SMG6: variants seen among roughly 807,000 people sequenced by gnomAD.
SMG6 encodes telomerase-binding protein EST1A.
A neutral mutation model predicts 142.2 loss-of-function variants in SMG6; 66 were observed. The observed-to-expected ratio is 0.46, with a 90% CI of 0.38 to 0.57. The LOEUF is 0.57. Ranked by LOEUF, SMG6 falls within the 20% of genes least tolerant of loss-of-function variation. SMG6 has a pLI of 0.00. For missense variants in SMG6, 1,793 were observed against 1,832.0 expected, an observed-to-expected ratio of 0.98 and a Z score of 0.39; for synonymous variants, 779 against 702.4, an observed-to-expected ratio of 1.11 and a Z score of -1.72.
At chr17:2,298,166 T>A (rs1013919585) in intron 2 of SMG6, 111 bp from the exon 3 acceptor site, 9 of 955,440 alleles carry the variant, frequency 9.4e-6, no homozygotes, top group Non-Finnish European at 1.2e-5. Flanking sequence ...AAATAAAAAA[T>A]GTGACCAGGT....
At position 2,237,887 on chromosome 17, in the gene SMG6, A is replaced by G. The variant is rs77852178; in HGVS notation, c.2724-1250T>C. 9.2e-5 allele frequency among the ~76,000 whole-genome samples: 14 copies of G among 152,338 alleles called. No homozygotes were observed. The East Asian group carries it at 2.3e-3, about 25-fold the overall frequency. On this transcript the variant is annotated intron_variant, in intron 9 of 18. Transcript: ENST00000263073. ...TTATGCCAAACAATTCGTGGTCACCAAAGTATTTTTTACCATGTCCCCCAG... is the reference window on the plus strand; with the variant it reads ...TTATGCCAAACAATTCGTGGTCACCGAAGTATTTTTTACCATGTCCCCCAG...
At chr17:2,099,700 T>G (rs917711897) in intron 13 of SMG6, among the ~76,000 whole-genome samples, 3 of 152,168 alleles carry the variant, frequency 2.0e-5, no homozygotes, top group Non-Finnish European at 2.9e-5. Context: ...AACTAGCCTA[T>G]CCATAGCTCG....
intron 13 of SMG6, chr17:2,127,702 C>T (rs1000804243): frequency 1.4e-5 from 8 of 566,164 alleles, no homozygotes; most frequent in Admixed American, 1.1e-4. Flanking sequence ...AGTATCTGTT[C>T]GGACTTTAAT....
intron 6 of SMG6, among the ~76,000 whole-genome samples, chr17:2,285,358 G>C (rs910209094): frequency 6.6e-6 from 1 of 152,122 alleles, no homozygotes; most frequent in Non-Finnish European, 1.5e-5. Flanking sequence ...AAAAAAGAGG[G>C]ATAGAGGAAA....
intron 13 of SMG6, among the ~76,000 whole-genome samples, chr17:2,131,479 T>C (rs1222153387): frequency 6.6e-6 from 1 of 152,116 alleles, no homozygotes; most frequent in Admixed American, 6.6e-5. Context: ...TTTGTATTTT[T>C]AGTAGAGACT....
intron 8 of SMG6, among the ~76,000 whole-genome samples, chr17:2,255,058 G>GT (rs2074134114): frequency 6.6e-6 from 1 of 152,138 alleles, no homozygotes; most frequent in Admixed American, 6.6e-5. Context: ...GATTGATTCT[G>GT]TAAGAAAGTC....
At chr17:2,087,958 T>C (rs1035971003) in intron 13 of SMG6, 7 of 985,676 alleles carry the variant, frequency 7.1e-6, no homozygotes, top group Admixed American at 6.2e-5. Flanking sequence ...GCTTGCACTA[T>C]GGAGAATTAT....
At chr17:2,200,754 G>A (rs192012675) in intron 10 of SMG6, among the ~76,000 whole-genome samples, 1 of 152,140 alleles carries the variant, frequency 6.6e-6, no homozygotes, top group East Asian at 1.9e-4. Context: ...CTGTTGCCCA[G>A]GGTGGAGTGC....
intron 13 of SMG6, among the ~76,000 whole-genome samples, chr17:2,130,069 C>G (rs1343410374): frequency 2.6e-5 from 4 of 151,156 alleles, no homozygotes; most frequent in Non-Finnish European, 5.9e-5. Context: ...ACCATCCTGG[C>G]TAACATGGTG....
chr17:2,226,579 AAAACAAAC>A (rs1165121532), intron 10 of SMG6, among the ~76,000 whole-genome samples: 3 of 150,616 alleles, frequency 2.0e-5, no homozygotes, highest in East Asian at 2.0e-4. Context: ...ACTCTGTCTT[AAAACAAAC>A]AAACAAACAA....
Position 2,061,474 on chromosome 17 carries a change from G to GT in SMG6, c.*17_*18insA. On this transcript the variant is annotated 3_prime_UTR_variant, in exon 19 of 19. Coordinates refer to ENST00000263073, the MANE Select transcript of SMG6 (RefSeq NM_017575.5). ...TTCAGGAACGGTTCCACGGGGGGGG[G>GT]GCCCCAGTGTGGCTCCCTCAGCCCA... 1.3e-6 allele frequency: 2 copies of GT among 1,566,512 alleles called. No individual in the cohort carries two copies. Among genetic ancestry groups the GT allele is most frequent in the East Asian group, 2.3e-5 (1 of 42,602 alleles).
chr17:2,126,168 G>C (rs2069870571), intron 13 of SMG6, among the ~76,000 whole-genome samples: 1 of 151,784 alleles, frequency 6.6e-6, no homozygotes, highest in South Asian at 2.1e-4. Flanking sequence ...TTTTGACAAG[G>C]GTGTCAAGAC....
intron 14 of SMG6, among the ~76,000 whole-genome samples, chr17:2,082,799 G>A (rs983837673): frequency 6.6e-6 from 1 of 152,196 alleles, no homozygotes; most frequent in Non-Finnish European, 1.5e-5. Context: ...GACAGGGTTA[G>A]CATGGGTACA....
intron 8 of SMG6, among the ~76,000 whole-genome samples, chr17:2,263,452 A>C (rs962896552): frequency 2.0e-5 from 3 of 152,204 alleles, no homozygotes; most frequent in Admixed American, 6.5e-5. Flanking sequence ...CACGGAAAAA[A>C]CAGTAGCAGG....
intron 8 of SMG6, among the ~76,000 whole-genome samples, chr17:2,252,637 T>C (rs2074073459): frequency 6.6e-6 from 1 of 152,226 alleles, no homozygotes; most frequent in South Asian, 2.1e-4. Flanking sequence ...GTGAGATCAG[T>C]ACTGCTAATT....
At chr17:2,167,114 A>G (rs1272934571) in intron 13 of SMG6, among the ~76,000 whole-genome samples, 1 of 133,430 alleles carries the variant, frequency 7.5e-6, no homozygotes, top group African/African-American at 2.8e-5. Context: ...CCTGGGCGAC[A>G]GAGTAGGACT....
chr17:2,205,926 A>G (rs1486446956), intron 10 of SMG6, among the ~76,000 whole-genome samples: 1 of 152,146 alleles, frequency 6.6e-6, no homozygotes, highest in Non-Finnish European at 1.5e-5. Flanking sequence ...CCCGTGCCTC[A>G]GCCTCTTGAG....
intron 10 of SMG6, among the ~76,000 whole-genome samples, chr17:2,230,591 A>G (rs972025801): frequency 6.6e-6 from 1 of 152,116 alleles, no homozygotes. Flanking sequence ...CATTCTGAAA[A>G]CAAGGACCCT....
chr17:2,203,008 G>GA (rs1306652624), intron 10 of SMG6, among the ~76,000 whole-genome samples: 1 of 152,116 alleles, frequency 6.6e-6, no homozygotes. Flanking sequence ...CCAGGGCCAA[G>GA]AAATGTCCTG....
Sources: gnomAD v4.1 joint callset for allele counts (sites outside exome capture counted in the v4.1 genomes callset) on GRCh38, gnomAD v4.1.1 for gene constraint, MANE v1.5 for transcripts, NCBI Gene and HGNC (gene_info 2026-07-23, HGNC 2026-07-21) for gene names.